The following SECTM1 variants were observed in gnomAD, a reference collection of about 807,000 sequenced individuals.
The protein encoded by SECTM1 is secreted and transmembrane 1.
A neutral mutation model predicts 18.1 loss-of-function variants in SECTM1; 10 were observed. The observed-to-expected ratio is 0.55, with a 90% CI of 0.34 to 0.94. The LOEUF is 0.94. Ranked by LOEUF, SECTM1 falls within the 40% of genes least tolerant of loss-of-function variation. The probability of loss-of-function intolerance (pLI) is 0.02; values close to 1 mark genes in which losing one functional copy is unlikely to be tolerated. For synonymous variants in SECTM1, 137 were observed against 139.2 expected, an observed-to-expected ratio of 0.98 and a Z score of 0.11; for missense variants, 297 against 322.6, an observed-to-expected ratio of 0.92 and a Z score of 0.61.
Position 82,325,803 on chromosome 17 carries a change from G to A in SECTM1, c.95-913C>T, listed in dbSNP as rs550842050. Among the ~76,000 whole-genome samples, 20 of 152,362 alleles carry A rather than the reference G, an allele frequency of 1.3e-4. No individual in the cohort carries two copies. The highest frequency in any genetic ancestry group is 2.1e-4 in the South Asian group (1 of 4,820). On this transcript the variant is annotated intron_variant, in intron 2 of 4. Transcript: ENST00000269389. This position sits in a 1 kb window ranked among gnomAD's most constrained non-coding sequence, Gnocchi z 7.6. ...TCAGCGTCCACCAGTGACTGGACAC[G>A]GACGGATGGACGGACAGACGGACGG...
chr17:82,323,233 C>T (rs902799695), intron 3 of SECTM1: 7 of 563,534 alleles, frequency 1.2e-5, no homozygotes, highest in Non-Finnish European at 2.2e-5. Flanking sequence ...GCAGGTGTGT[C>T]GGGGCAGCGA....
In SECTM1 at chr17:82,322,065, T is replaced by A; in HGVS notation, c.*96A>T. ...GCCCAGCCTGCCAAGCAAGCCGGTGTCTGTGCCCTCCGGGTGGGACGAGAG... is the reference window on the plus strand; with the variant it reads ...GCCCAGCCTGCCAAGCAAGCCGGTGACTGTGCCCTCCGGGTGGGACGAGAG... On this transcript the variant is annotated 3_prime_UTR_variant, in exon 5 of 5. Transcript: ENST00000269389. 1 of 1,231,452 alleles carries A rather than the reference T, an allele frequency of 8.1e-7. No individual in the cohort carries two copies. Among genetic ancestry groups the A allele is most frequent in the Admixed American group, 1.8e-5 (1 of 54,638 alleles). 76.3% of individuals were successfully genotyped at this position (1,231,452 alleles called of 1,614,324 possible). A position where few individuals can be genotyped will look rare whatever the true frequency, so the allele number is the denominator to read the frequency against.
At position 82,326,743 on chromosome 17, in the gene SECTM1, C is replaced by T. The variant is rs751482220; in HGVS notation, c.94+404G>A. On this transcript the variant is annotated intron_variant, in intron 2 of 4. Transcript: ENST00000269389. The surrounding 1 kb of genome is among the most constrained non-coding windows in gnomAD (Gnocchi z 4.3). The stretch of plus-strand genomic sequence containing the variant: ...ATCCACTCCTGGCAGGCCTGAGGTG[C>T]GCCTGACTAAGGAGCCCCCAGGCCA... Among the ~76,000 whole-genome samples the T allele has an allele frequency of 3.5e-4, 53 of 152,184 alleles. No individual in the cohort carries two copies. The highest frequency in any genetic ancestry group is 1.3e-3 in the African/African-American group (52 of 41,448).
In SECTM1 at chr17:82,330,946, C is replaced by T. The variant is rs2052186452; in HGVS notation, c.-53+2754G>A. On this transcript the variant is annotated intron_variant, in intron 1 of 4. Transcript: ENST00000269389. The surrounding 1 kb of genome is among the most constrained non-coding windows in gnomAD (Gnocchi z 6.1). Reference sequence around the variant, plus strand: ...GCCTCCCCACCAAGTCCCTTTAGCCCAACTGTGGTGGCGGCCGCTGCTTCT... The same window carrying T: ...GCCTCCCCACCAAGTCCCTTTAGCCTAACTGTGGTGGCGGCCGCTGCTTCT... 6.6e-6 allele frequency among the ~76,000 whole-genome samples: 1 copy of T among 152,202 alleles called. No individual in the cohort carries two copies. The highest frequency in any genetic ancestry group is 6.5e-5 in the Admixed American group (1 of 15,288).
intron 3 of SECTM1, among the ~76,000 whole-genome samples, chr17:82,323,868 A>C (rs2052120707): frequency 8.4e-6 from 1 of 118,446 alleles, no homozygotes; most frequent in Non-Finnish European, 1.7e-5. Flanking sequence ...TGAGGGCAGG[A>C]GGAGAGGGGT....
At chr17:82,323,286 G>C (rs1274689707) in intron 3 of SECTM1, 1 of 450,630 alleles carries the variant, frequency 2.2e-6, no homozygotes, top group Non-Finnish European at 4.0e-6. Flanking sequence ...CAGGAGCTGC[G>C]CGCTGGCCCG....
chr17:82,324,744 C>T lies in SECTM1; in HGVS notation c.241G>A (p.Val81Met), dbSNP rs757617412. ...TCCCGGGAGAAGTAGCCTGGAGCCA[C>T]CTCATTGAAGATGGCGCTCTCCTGC... is the stretch of plus-strand genomic sequence containing the variant. ...HGQESAIFNE[V>M]APGYFSRDGW... Residue 81 changes from valine (V) to methionine (M), a missense_variant, in exon 3 of 5, where the codon GTG becomes ATG. Val to Met is a conservative substitution (Grantham distance 21). Coordinates refer to ENST00000269389, the MANE Select transcript of SECTM1 (RefSeq NM_003004.3). 4 of 1,614,028 alleles carry T rather than the reference C, an allele frequency of 2.5e-6. No homozygotes were observed. The highest frequency in any genetic ancestry group is 3.4e-6 in the Non-Finnish European group (4 of 1,180,036).
rs2052164065 is a variant in SECTM1 at position 82,328,240 on chromosome 17, G to C, written c.-52-948C>G. 1 of 152,114 alleles carries C rather than the reference G, an allele frequency of 6.6e-6. No homozygotes were observed. Among genetic ancestry groups the C allele is most frequent in the Non-Finnish European group, 1.5e-5 (1 of 68,020 alleles). The allele number at this position is 152,114 out of a possible 1,614,324, so 9.4% of individuals were successfully genotyped here. On this transcript the variant is annotated intron_variant, in intron 1 of 4. Transcript: ENST00000269389. This position sits in a 1 kb window ranked among gnomAD's most constrained non-coding sequence, Gnocchi z 5.8. Reference sequence around the variant, plus strand: ...ACACTAGGGGCCCCCTAGCTGTGTGGCTCCTCTCCCGCCAGGCAGAGGCGG... The same window carrying C: ...ACACTAGGGGCCCCCTAGCTGTGTGCCTCCTCTCCCGCCAGGCAGAGGCGG...
Position 82,323,818 on chromosome 17 carries a change from CG to C in SECTM1, c.403+763del, listed in dbSNP as rs1176377727. ...GAGTGGGTGGTGATCATGCCTGTGTCGGGGGAGCTGAGGCAGAGAGTGGGGC... is the reference window on the plus strand; with the variant it reads ...GAGTGGGTGGTGATCATGCCTGTGTCGGGGAGCTGAGGCAGAGAGTGGGGC... On this transcript the variant is annotated intron_variant, in intron 3 of 4. Coordinates refer to ENST00000269389, the MANE Select transcript of SECTM1 (RefSeq NM_003004.3). 2.3e-5 allele frequency among the ~76,000 whole-genome samples: 3 copies of C among 131,398 alleles called. No homozygotes were observed. In the East Asian group the frequency reaches 7.7e-4, roughly 34 times the overall value. The allele number at this position is 131,398 out of a possible 152,430, so 86.2% of individuals were successfully genotyped here.
At position 82,321,042 on chromosome 17, in the gene SECTM1, C is replaced by G. The variant is rs1468639329; in HGVS notation, c.*1119G>C. Reference sequence around the variant, plus strand: ...AACAGGGTCTGACCCAGCACGCGGACGGAACCTTATTTTAACCCGAGACAC... The same window carrying G: ...AACAGGGTCTGACCCAGCACGCGGAGGGAACCTTATTTTAACCCGAGACAC... On this transcript the variant is annotated 3_prime_UTR_variant, in exon 5 of 5. Coordinates refer to ENST00000269389, the MANE Select transcript of SECTM1 (RefSeq NM_003004.3). 1 of 152,170 alleles carries G rather than the reference C, an allele frequency of 6.6e-6. No homozygotes were observed. The highest frequency in any genetic ancestry group is 2.4e-5 in the African/African-American group (1 of 41,410). 9.4% of individuals were successfully genotyped at this position (152,170 alleles called of 1,614,324 possible).
At position 82,326,606 on chromosome 17, in the gene SECTM1, C is replaced by T. The variant is rs116333797; in HGVS notation, c.94+541G>A. 0.074 allele frequency among the ~76,000 whole-genome samples: 9,248 copies of T among 125,780 alleles called. 379 individuals are homozygous for T. The highest frequency in any genetic ancestry group is 0.13 in the African/African-American group (4,469 of 35,012). The allele number at this position is 125,780 out of a possible 152,430, so 82.5% of individuals were successfully genotyped here. ...CAGCCTGGGCGATAGAGGTAGAACC[C>T]GTCTCAAAAAAAAAAGATAAGAAAA... On this transcript the variant is annotated intron_variant, in intron 2 of 4. Transcript: ENST00000269389. This position sits in a 1 kb window ranked among gnomAD's most constrained non-coding sequence, Gnocchi z 4.3.
intron 1 of SECTM1, among the ~76,000 whole-genome samples, chr17:82,327,805 T>C (rs996286524): frequency 1.3e-5 from 2 of 152,106 alleles, no homozygotes; most frequent in South Asian, 2.1e-4. Context: ...TTGGAGCGTG[T>C]CTGTCTCCTC....
intron 3 of SECTM1, among the ~76,000 whole-genome samples, chr17:82,324,241 CT>C (rs940496438): frequency 9.2e-5 from 14 of 151,992 alleles, no homozygotes; most frequent in African/African-American, 3.4e-4. Flanking sequence ...GCCCCCACCC[CT>C]GACAGGCAGA....
At chr17:82,323,099 A>G in intron 3 of SECTM1, 88 bp from the exon 4 acceptor site, 3 of 1,411,632 alleles carry the variant, frequency 2.1e-6, no homozygotes, top group Non-Finnish European at 2.9e-6. Flanking sequence ...TCCTCCTCCT[A>G]CACACTCCCT....
chr17:82,321,924 G>A lies in SECTM1; in HGVS notation c.*237C>T. 3.7e-6 allele frequency: 2 copies of A among 546,746 alleles called. No homozygotes were observed. The highest frequency in any genetic ancestry group is 3.3e-6 in the Non-Finnish European group (1 of 305,804). 33.9% of individuals were successfully genotyped at this position (546,746 alleles called of 1,614,324 possible). ...GAGGGAGGGGCATGCGTCCTGGTAA[G>A]TCGGGTGCTGCGGAGGTGAGGTGGT... On this transcript the variant is annotated 3_prime_UTR_variant, in exon 5 of 5. Coordinates refer to ENST00000269389, the MANE Select transcript of SECTM1 (RefSeq NM_003004.3).
intron 4 of SECTM1, 107 bp downstream of exon 4, chr17:82,322,771 C>T (rs967296461): frequency 2.9e-6 from 4 of 1,370,852 alleles, no homozygotes; most frequent in African/African-American, 1.4e-5. Flanking sequence ...TCCCCCCACC[C>T]TCTCCTGGAG....
Position 82,322,925 on chromosome 17 carries a change from C to G in SECTM1, c.490G>C (p.Val164Leu). Residue 164 changes from valine to leucine, a missense_variant, in exon 4 of 5, where the codon GTC becomes CTC. Transcript: ENST00000269389. ...CGGCACCTGTACCAGGCGAACATGA[C>G]CAGAGCGACCAAGAGGATGAAGACA... is the stretch of plus-strand genomic sequence containing the variant. ...TAVFILLVAL[V>L]MFAWYRCRCS... is the part of the protein sequence containing the mutation. The G allele has an allele frequency of 6.2e-7, 1 of 1,613,912 alleles. No individual in the cohort carries two copies.
rs954096363 is a variant in SECTM1 at position 82,330,351 on chromosome 17, C to T, written c.-52-3059G>A. 1.5e-4 allele frequency among the ~76,000 whole-genome samples: 23 copies of T among 152,160 alleles called. No homozygotes were observed. The highest frequency in any genetic ancestry group is 3.1e-4 in the Non-Finnish European group (21 of 68,006). On this transcript the variant is annotated intron_variant, in intron 1 of 4. Coordinates refer to ENST00000269389, the MANE Select transcript of SECTM1 (RefSeq NM_003004.3). The surrounding 1 kb of genome is among the most constrained non-coding windows in gnomAD (Gnocchi z 6.1). The stretch of plus-strand genomic sequence containing the variant: ...GTTTCACAAATGCTTCCAGGGACTG[C>T]CCCTGCCATGTGTTAGGGGTGGGAA...
chr17:82,324,966 A>T, intron 2 of SECTM1, 76 bp from the exon 3 acceptor site: 1 of 1,438,980 alleles, frequency 6.9e-7, no homozygotes, highest in Non-Finnish European at 9.4e-7. Context: ...GCCCAGGGCC[A>T]GGGCCAGGGC....
Sources: allele counts gnomAD v4.1 joint callset (sites outside exome capture counted in the v4.1 genomes callset), GRCh38; gene constraint gnomAD v4.1.1; non-coding constraint Gnocchi (gnomAD v3.1); transcripts MANE v1.5; gene names NCBI Gene and HGNC (gene_info 2026-07-23, HGNC 2026-07-21).